Variants in DLG2 observed in about 807,000 individuals in gnomAD.
The protein encoded by DLG2 is discs large MAGUK scaffold protein 2, also known as disks large homolog 2.
DLG2 carries 45 observed loss-of-function variants against 132.5 expected under a neutral mutation model. The ratio of observed to expected loss-of-function variants is 0.34; its 90% CI spans 0.27 to 0.44. DLG2 has a LOEUF of 0.44. DLG2 is among the 20% of genes least tolerant of loss of function. DLG2 has a pLI of 1.00. For missense variants in DLG2, 1,045 were observed against 1,196.9 expected (o/e 0.87, Z 1.87); for synonymous variants, 424 against 419.6 (o/e 1.01, Z -0.13).
intron 3 of DLG2, among the ~76,000 whole-genome samples, chr11:85,499,315 C>T (rs969937459): frequency 6.6e-6 from 1 of 152,172 alleles, no homozygotes; most frequent in Non-Finnish European, 1.5e-5. Context: ...ATACTATAAA[C>T]ACTTCTATGC....
chr11:84,967,813 T>G (rs998092942), intron 6 of DLG2, among the ~76,000 whole-genome samples: 3 of 152,144 alleles, frequency 2.0e-5, no homozygotes, highest in African/African-American at 7.2e-5. Flanking sequence ...GAGTACATTT[T>G]TGCAATCATT....
intron 7 of DLG2, among the ~76,000 whole-genome samples, chr11:84,252,447 A>G (rs1209435874): frequency 6.6e-6 from 1 of 152,000 alleles, no homozygotes; most frequent in Non-Finnish European, 1.5e-5. Context: ...ATATTTTATT[A>G]TTTATGCACC....
At chr11:84,473,534 A>G (rs1185248885) in intron 7 of DLG2, among the ~76,000 whole-genome samples, 3 of 152,018 alleles carry the variant, frequency 2.0e-5, no homozygotes, top group Admixed American at 6.6e-5. Context: ...TGCATGGAAG[A>G]ATGCCATCAC....
chr11:83,751,340 T>C (rs2093294921), intron 18 of DLG2, among the ~76,000 whole-genome samples: 1 of 151,662 alleles, frequency 6.6e-6, no homozygotes, highest in Non-Finnish European at 1.5e-5. Context: ...AAATGGGAAA[T>C]GGGAGAGAAA....
chr11:85,109,065 A>G (rs1156493351), intron 6 of DLG2, among the ~76,000 whole-genome samples: 2 of 152,056 alleles, frequency 1.3e-5, no homozygotes, highest in Admixed American at 1.3e-4. Context: ...CCCAGGAAAA[A>G]AAAATTCAAC....
At chr11:85,069,680 T>C (rs1036065974) in intron 6 of DLG2, among the ~76,000 whole-genome samples, 20 of 152,024 alleles carry the variant, frequency 1.3e-4, no homozygotes, top group African/African-American at 4.1e-4. Flanking sequence ...TGTGGAGAAA[T>C]AGGAACACTT....
intron 19 of DLG2, among the ~76,000 whole-genome samples, chr11:83,549,089 A>G (rs1355590991): frequency 6.6e-6 from 1 of 152,156 alleles, no homozygotes; most frequent in Non-Finnish European, 1.5e-5. Context: ...CTTTGACTCA[A>G]TTTCCTTCAT....
intron 9 of DLG2, among the ~76,000 whole-genome samples, chr11:84,150,258 G>A (rs2095251179): frequency 6.6e-6 from 1 of 152,090 alleles, no homozygotes; most frequent in African/African-American, 2.4e-5. Flanking sequence ...AGTTCTCCTG[G>A]TAGAGATCTT....
chr11:84,313,675 AAGAAAGAAAG>A (rs1215699358), intron 7 of DLG2, among the ~76,000 whole-genome samples: 9 of 151,502 alleles, frequency 5.9e-5, no homozygotes, highest in African/African-American at 2.2e-4. Context: ...GAAAGAAAGA[AAGAAAGAAAG>A]AAAAAGAAAG....
At chr11:83,574,216 A>T (rs999059439) in intron 19 of DLG2, among the ~76,000 whole-genome samples, 1 of 152,144 alleles carries the variant, frequency 6.6e-6, no homozygotes, top group Non-Finnish European at 1.5e-5. Flanking sequence ...GTGAAGCTCA[A>T]ATGACAGTGT....
chr11:85,567,210 A>C (rs1268682232), intron 3 of DLG2, among the ~76,000 whole-genome samples: 2 of 152,216 alleles, frequency 1.3e-5, no homozygotes, highest in Admixed American at 1.3e-4. Context: ...TTCTTCAAAA[A>C]CAGCTATTGG....
At chr11:84,510,906 AAC>A (rs929570894) in intron 7 of DLG2, among the ~76,000 whole-genome samples, 3 of 152,004 alleles carry the variant, frequency 2.0e-5, no homozygotes, top group African/African-American at 7.3e-5. Context: ...AGAAGGAAGA[AAC>A]TCCCCCATAC....
At chr11:84,768,296 T>C (rs78847012) in intron 6 of DLG2, among the ~76,000 whole-genome samples, 3,656 of 152,318 alleles carry the variant, frequency 0.024, 68 homozygotes, top group Non-Finnish European at 0.037. Flanking sequence ...GTTGTGTTTA[T>C]GCTTATTTTG....
chr11:83,870,223 C>A (rs924794068), intron 16 of DLG2, among the ~76,000 whole-genome samples: 16 of 152,194 alleles, frequency 1.1e-4, no homozygotes, highest in African/African-American at 3.4e-4. Flanking sequence ...TTTAGTGTAT[C>A]CATCAACAGA....
chr11:85,165,789 G>A (rs78210429), intron 4 of DLG2, among the ~76,000 whole-genome samples: 1,835 of 152,138 alleles, frequency 0.012, 37 homozygotes, highest in African/African-American at 0.04. Context: ...ATATAAACCT[G>A]CACTGCAGTT....
intron 6 of DLG2, among the ~76,000 whole-genome samples, chr11:84,587,410 G>C (rs1269651790): frequency 1.3e-5 from 2 of 151,950 alleles, no homozygotes; most frequent in Non-Finnish European, 2.9e-5. Context: ...CATGACCCCT[G>C]AGCCAAAATT....
Position 85,472,286 on chromosome 11 carries a change from A to C in DLG2, c.40+126371T>G, listed in dbSNP as rs535753550. 3.3e-5 allele frequency among the ~76,000 whole-genome samples: 5 copies of C among 152,024 alleles called. No homozygotes were observed. In the South Asian group the frequency reaches 6.2e-4, roughly 19 times the overall value. ...GGGCTACCCACCTCAGGTCCTCTCA[A>C]CTGAGAACTGTTTTTTGTTTTTGTT... On this transcript the variant is annotated intron_variant, in intron 3 of 27. Coordinates refer to ENST00000376104, the MANE Select transcript of DLG2 (RefSeq NM_001142699.3).
intron 18 of DLG2, among the ~76,000 whole-genome samples, chr11:83,727,078 G>A (rs1444347376): frequency 1.3e-5 from 2 of 152,184 alleles, no homozygotes; most frequent in Non-Finnish European, 2.9e-5. Flanking sequence ...TGCTCACTGA[G>A]GTTGAGATTC....
chr11:84,504,356 C>G (rs1173996925), intron 7 of DLG2, among the ~76,000 whole-genome samples: 2 of 152,138 alleles, frequency 1.3e-5, no homozygotes, highest in Non-Finnish European at 2.9e-5. Context: ...CAAATCCTAC[C>G]TAACTACTAA....
Sources: gnomAD v4.1 joint callset for allele counts (sites outside exome capture counted in the v4.1 genomes callset) on GRCh38, gnomAD v4.1.1 for gene constraint, MANE v1.5 for transcripts, NCBI Gene and HGNC (gene_info 2026-07-23, HGNC 2026-07-21) for gene names.